The following CACNA2D4 variants were observed in gnomAD, a reference collection of about 807,000 sequenced individuals.
CACNA2D4 encodes the protein voltage-dependent calcium channel subunit alpha-2/delta-4.
A neutral mutation model predicts 163.8 loss-of-function variants in CACNA2D4; 157 were observed. The ratio of observed to expected loss-of-function variants is 0.96; its 90% CI spans 0.84 to 1.09. CACNA2D4 has a LOEUF of 1.09. Among genes scored for constraint, CACNA2D4 ranks in the 50% least tolerant of loss-of-function variants. The probability of loss-of-function intolerance (pLI) is 0.00; values close to 1 mark genes in which losing one functional copy is unlikely to be tolerated. For missense variants in CACNA2D4, 1,410 were observed against 1,479.9 expected (o/e 0.95, Z 0.78); for synonymous variants, 598 against 586.9 (o/e 1.02, Z -0.27).
chr12:1,826,924 C>T (rs923563806), intron 26 of CACNA2D4, among the ~76,000 whole-genome samples: 1 of 152,216 alleles, frequency 6.6e-6, no homozygotes, highest in African/African-American at 2.4e-5. Context: ...CTGGGCCTGT[C>T]TTTTTCACTC....
At position 1,883,705 on chromosome 12, in the gene CACNA2D4, C is replaced by T. The variant is rs916414689; in HGVS notation, c.1351+538G>A. The stretch of plus-strand genomic sequence containing the variant: ...TGGAGAGTGCCTCCCCCATGGCCCC[C>T]GGCACCCTGAACAGTCTGTGTCTCT... On this transcript the variant is annotated intron_variant, in intron 12 of 37. Transcript: ENST00000382722. This position sits in a 1 kb window ranked among gnomAD's most constrained non-coding sequence, Gnocchi z 4.5. 2.0e-5 allele frequency among the ~76,000 whole-genome samples: 3 copies of T among 152,106 alleles called. No homozygotes were observed. Among genetic ancestry groups the T allele is most frequent in the South Asian group, 2.1e-4 (1 of 4,818 alleles).
In CACNA2D4 at chr12:1,795,725, G is replaced by A. The variant is rs748728506; in HGVS notation, c.3169C>T (p.Pro1057Ser). Reference protein sequence around the residue: ...NSNLLLLVTDPTCDCSIFPPV... With the variant: ...NSNLLLLVTDSTCDCSIFPPV... ...GGGAAGATGCTGCAGTCACAGGTGG[G>A]GTCTGTCACCAGGAGGAGGAGGTTA... The change falls in exon 36 of 38, where the codon CCC (proline) becomes TCC (serine). Residue 1057 changes from proline (P) to serine (S), a missense_variant. Transcript: ENST00000382722. 1.2e-6 allele frequency: 2 copies of A among 1,613,704 alleles called. No individual in the cohort carries two copies. Among genetic ancestry groups the A allele is most frequent in the African/African-American group, 2.7e-5 (2 of 75,010 alleles).
At position 1,840,622 on chromosome 12, in the gene CACNA2D4, T is replaced by G. The variant is rs904558863; in HGVS notation, c.2551+117A>C. 1.2e-4 allele frequency: 90 copies of G among 765,740 alleles called. 2 individuals carry two copies. Among genetic ancestry groups the G allele is most frequent in the Non-Finnish European group, 1.7e-4 (79 of 456,246 alleles). The allele number at this position is 765,740 out of a possible 1,614,324, so 47.4% of individuals were successfully genotyped here. A position where few individuals can be genotyped will look rare whatever the true frequency, so the allele number is the denominator to read the frequency against. On this transcript the variant is annotated intron_variant, in intron 26 of 37. Transcript: ENST00000382722. Reference sequence around the variant, plus strand: ...GAGTGCACTTCCACCCATCCCACATTCCACCGGCAGGACTGTGGCCCTGGC... The same window carrying G: ...GAGTGCACTTCCACCCATCCCACATGCCACCGGCAGGACTGTGGCCCTGGC...
At position 1,799,674 on chromosome 12, in the gene CACNA2D4, C is replaced by T. The variant is rs1369343322; in HGVS notation, c.2995+1G>A. ...GGGATGGCCTCAGCTGGGCTACTTA[C>T]AGTGATGGAAGACACTTTTGGCTGG... is the stretch of plus-strand genomic sequence containing the variant. On this transcript the variant is annotated splice_donor_variant, in intron 34 of 37. Transcript: ENST00000382722. LOFTEE classifies it high-confidence loss of function. The surrounding 1 kb of genome is among the most constrained non-coding windows in gnomAD (Gnocchi z 4.7). The T allele has an allele frequency of 1.9e-6, 3 of 1,570,232 alleles. No homozygotes were observed. Among genetic ancestry groups the T allele is most frequent in the Non-Finnish European group, 2.6e-6 (3 of 1,157,948 alleles).
chr12:1,847,932 A>G (rs1221676638), intron 23 of CACNA2D4, among the ~76,000 whole-genome samples: 2 of 152,246 alleles, frequency 1.3e-5, no homozygotes, highest in Non-Finnish European at 2.9e-5. Flanking sequence ...ATATGATCAG[A>G]TAATCCAGTC....
Position 1,800,394 on chromosome 12 carries a change from C to G in CACNA2D4, c.2913G>C (p.Glu971Asp), listed in dbSNP as rs886049123. Residue 971 changes from glutamate to aspartate, a missense_variant, in exon 32 of 38, where the codon GAG (glutamate) becomes GAC (aspartate). Transcript: ENST00000382722. ...TGTCTACCCCCACTCACAGCACCAG[C>G]TCCTGCAGCAGCCACCTGGTCGCCG... Reference protein sequence around the residue: ...FLTATRWLLQELVLFLLEWSV... With the variant: ...FLTATRWLLQDLVLFLLEWSV... 3.2e-5 allele frequency: 51 copies of G among 1,613,842 alleles called. No individual in the cohort carries two copies. Among genetic ancestry groups the G allele is most frequent in the Non-Finnish European group, 4.3e-5 (51 of 1,179,852 alleles).
rs371260705 is a variant in CACNA2D4 at position 1,834,232 on chromosome 12, C to T, written c.2551+6507G>A. On this transcript the variant is annotated intron_variant, in intron 26 of 37. Coordinates refer to ENST00000382722, the MANE Select transcript of CACNA2D4 (RefSeq NM_172364.5). The surrounding 1 kb of genome is among the most constrained non-coding windows in gnomAD (Gnocchi z 7.6). ...GGAGAGGGAGTGCAAGTTCTAGATG[C>T]CTGGTCAGCCCCTCTTTTTCTCTTC... The T allele has an allele frequency of 1.3e-6, 2 of 1,521,282 alleles. No individual in the cohort carries two copies. The highest frequency in any genetic ancestry group is 1.8e-6 in the Non-Finnish European group (2 of 1,134,146). The allele number at this position is 1,521,282 out of a possible 1,614,324, so 94.2% of individuals were successfully genotyped here. A position where few individuals can be genotyped will look rare whatever the true frequency, so the allele number is the denominator to read the frequency against.
intron 26 of CACNA2D4, among the ~76,000 whole-genome samples, chr12:1,813,803 G>A (rs1471064822): frequency 6.6e-6 from 1 of 152,114 alleles, no homozygotes; most frequent in Non-Finnish European, 1.5e-5. Flanking sequence ...AGGGGACGGG[G>A]AGACCCATTT....
chr12:1,828,565 G>A lies in CACNA2D4; in HGVS notation c.2551+12174C>T, dbSNP rs1186296082. The stretch of plus-strand genomic sequence containing the variant: ...TGCTGAGTCTTAAACAGCCTCACTG[G>A]TGCCTGAGCTTGTCGGCCTGTGTCA... On this transcript the variant is annotated intron_variant, in intron 26 of 37. Coordinates refer to ENST00000382722, the MANE Select transcript of CACNA2D4 (RefSeq NM_172364.5). The surrounding 1 kb of genome is among the most constrained non-coding windows in gnomAD (Gnocchi z 4.2). Among the ~76,000 whole-genome samples the A allele has an allele frequency of 6.6e-6, 1 of 152,238 alleles. No individual in the cohort carries two copies. Among genetic ancestry groups the A allele is most frequent in the Non-Finnish European group, 1.5e-5 (1 of 68,044 alleles).
rs1865868575 is a variant in CACNA2D4, at chr12:1,875,726, C to T, written c.1720-389G>A. ...TGGAGCTGCATAGAATGTGTTCCAC[C>T]TGACAGCCCCTGGGATTTCCAAAGA... On this transcript the variant is annotated intron_variant, in intron 16 of 37. Coordinates refer to ENST00000382722, the MANE Select transcript of CACNA2D4 (RefSeq NM_172364.5). This position sits in a 1 kb window ranked among gnomAD's most constrained non-coding sequence, Gnocchi z 4.0. 6.6e-6 allele frequency among the ~76,000 whole-genome samples: 1 copy of T among 152,222 alleles called. No homozygotes were observed. Among genetic ancestry groups the T allele is most frequent in the African/African-American group, 2.4e-5 (1 of 41,450 alleles).
chr12:1,838,829 G>A (rs1294860279), intron 26 of CACNA2D4, among the ~76,000 whole-genome samples: 1 of 152,154 alleles, frequency 6.6e-6, no homozygotes, highest in African/African-American at 2.4e-5. Context: ...GCTTGGCTGG[G>A]AGCACAGAAC....
At chr12:1,871,621 G>A in intron 18 of CACNA2D4, among the ~76,000 whole-genome samples, 1 of 151,626 alleles carries the variant, frequency 6.6e-6, no homozygotes, top group Non-Finnish European at 1.5e-5. Context: ...GCTCGTGTGT[G>A]CATGTGTACA....
intron 6 of CACNA2D4, among the ~76,000 whole-genome samples, chr12:1,898,738 T>C (rs1484195052): frequency 1.4e-5 from 2 of 147,578 alleles, no homozygotes; most frequent in Admixed American, 1.3e-4. Context: ...AAATGAAATA[T>C]TATTCAGCCT....
chr12:1,865,661 C>T (rs1865635301), intron 18 of CACNA2D4, among the ~76,000 whole-genome samples: 1 of 152,204 alleles, frequency 6.6e-6, no homozygotes, highest in African/African-American at 2.4e-5. Flanking sequence ...GGCCCAGCAG[C>T]AGCAGCAGCA....
intron 26 of CACNA2D4, among the ~76,000 whole-genome samples, 197 bp downstream of exon 26, chr12:1,840,542 G>A (rs1043047196): frequency 1.1e-4 from 16 of 152,324 alleles, no homozygotes; most frequent in African/African-American, 3.4e-4. Flanking sequence ...TGCTCACTTC[G>A]TGAATACTTT....
chr12:1,859,428 A>C (rs924938777), intron 19 of CACNA2D4, among the ~76,000 whole-genome samples: 2 of 152,222 alleles, frequency 1.3e-5, no homozygotes, highest in African/African-American at 4.8e-5. Context: ...TCCAATGAGC[A>C]GTCAGGGCTG....
chr12:1,819,763 G>A (rs1864019446), intron 26 of CACNA2D4, among the ~76,000 whole-genome samples: 1 of 152,210 alleles, frequency 6.6e-6, no homozygotes, highest in African/African-American at 2.4e-5. Context: ...TCGCATGCCT[G>A]ACCCATCACA....
intron 24 of CACNA2D4, among the ~76,000 whole-genome samples, chr12:1,846,386 A>C (rs11062000): frequency 0.05 from 7,564 of 150,798 alleles, 273 homozygotes; most frequent in Middle Eastern, 0.092. Flanking sequence ...CCAATCTGTC[A>C]ATCCCGATCC....
At chr12:1,867,976 A>G (rs1159745695) in intron 18 of CACNA2D4, among the ~76,000 whole-genome samples, 2 of 152,176 alleles carry the variant, frequency 1.3e-5, no homozygotes, top group Admixed American at 6.5e-5. Context: ...AAGTGTAGAC[A>G]AGGGTGTGAA....
Sources: allele counts gnomAD v4.1 joint callset (sites outside exome capture counted in the v4.1 genomes callset), GRCh38; gene constraint gnomAD v4.1.1; non-coding constraint Gnocchi (gnomAD v3.1); transcripts MANE v1.5; gene names NCBI Gene and HGNC (gene_info 2026-07-23, HGNC 2026-07-21).